The following EYS variants were observed in gnomAD, a reference collection of about 807,000 sequenced individuals.
The protein encoded by EYS is EGF-like photoreceptor maintenance factor.
In EYS, 250 loss-of-function variants were observed where a neutral mutation model predicts 282.1. The observed-to-expected ratio is 0.89, with a 90% CI of 0.80 to 0.98. The LOEUF (loss-of-function observed/expected upper bound fraction) is 0.98, where lower values mean the gene tolerates loss of function less well. EYS is among the 50% of genes least tolerant of loss of function. The pLI is 0.00. For missense variants in EYS, 4,016 were observed against 3,709.0 expected (o/e 1.08, Z -2.15); for synonymous variants, 1,355 against 1,282.9 (o/e 1.06, Z -1.20).
At chr6:63,872,337 T>C (rs1008382316) in intron 35 of EYS, among the ~76,000 whole-genome samples, 3 of 151,938 alleles carry the variant, frequency 2.0e-5, no homozygotes, top group Non-Finnish European at 4.4e-5. Flanking sequence ...TGCACAAGTG[T>C]GTAGGTATGT....
At chr6:64,233,533 A>AT in intron 30 of EYS, among the ~76,000 whole-genome samples, 1 of 152,330 alleles carries the variant, frequency 6.6e-6, no homozygotes, top group Non-Finnish European at 1.5e-5. Context: ...GGACTTAGTA[A>AT]TATAATTAGC....
At chr6:64,720,248 T>A (rs757622845) in intron 22 of EYS, among the ~76,000 whole-genome samples, 2 of 152,166 alleles carry the variant, frequency 1.3e-5, no homozygotes, top group African/African-American at 2.4e-5. Flanking sequence ...CATCCTTCTC[T>A]AACCTCTGCT....
intron 41 of EYS, among the ~76,000 whole-genome samples, chr6:63,729,038 G>A (rs1027148487): frequency 2.6e-5 from 4 of 152,120 alleles, no homozygotes; most frequent in African/African-American, 7.2e-5. Flanking sequence ...AGTATCTAGT[G>A]TTATCCAATT....
intron 11 of EYS, among the ~76,000 whole-genome samples, chr6:65,319,623 A>C (rs1769415102): frequency 6.6e-6 from 1 of 152,278 alleles, no homozygotes; most frequent in East Asian, 1.9e-4. Context: ...CTTCTGTATA[A>C]TCATGGAACA....
chr6:64,283,459 GA>G (rs1420639051), intron 30 of EYS, among the ~76,000 whole-genome samples: 1 of 152,088 alleles, frequency 6.6e-6, no homozygotes, highest in East Asian at 1.9e-4. Flanking sequence ...TCAAAGCTTA[GA>G]ACATGACTGA....
At chr6:63,796,789 T>C (rs1328053006) in intron 37 of EYS, among the ~76,000 whole-genome samples, 2 of 152,210 alleles carry the variant, frequency 1.3e-5, no homozygotes, top group Non-Finnish European at 2.9e-5. Flanking sequence ...TAACACCTCA[T>C]AGGATTGTCT....
intron 12 of EYS, among the ~76,000 whole-genome samples, chr6:65,225,143 T>C (rs1766586118): frequency 6.6e-6 from 1 of 151,736 alleles, no homozygotes; most frequent in Non-Finnish European, 1.5e-5. Flanking sequence ...CAATATATCT[T>C]ATGGATATAG....
intron 36 of EYS, among the ~76,000 whole-genome samples, chr6:63,837,778 T>C (rs970295156): frequency 1.3e-5 from 2 of 152,166 alleles, no homozygotes; most frequent in African/African-American, 4.8e-5. Flanking sequence ...TGTGATGTCT[T>C]TCCTTGTCAA....
intron 26 of EYS, among the ~76,000 whole-genome samples, chr6:64,571,519 A>T (rs1168677921): frequency 6.6e-6 from 1 of 152,160 alleles, no homozygotes; most frequent in African/African-American, 2.4e-5. Context: ...AACAAAATAG[A>T]TATATCACTA....
chr6:63,989,416 G>C (rs539252042), intron 34 of EYS, among the ~76,000 whole-genome samples: 45 of 151,656 alleles, frequency 3.0e-4, no homozygotes, highest in African/African-American at 1.0e-3. Flanking sequence ...TAAGTGAAAA[G>C]GGATAAAAAA....
chr6:64,083,465 GTTC>G (rs1362726865), intron 31 of EYS, among the ~76,000 whole-genome samples: 2 of 152,094 alleles, frequency 1.3e-5, no homozygotes, highest in Non-Finnish European at 2.9e-5. Flanking sequence ...CCTGGTTTCT[GTTC>G]TTCTTTTTAT....
intron 5 of EYS, among the ~76,000 whole-genome samples, chr6:65,488,152 GT>G (rs890573691): frequency 2.0e-5 from 3 of 151,934 alleles, no homozygotes; most frequent in Admixed American, 6.6e-5. Context: ...TTTTTTCAAA[GT>G]TTTTTATGTC....
chr6:64,325,969 T>C (rs1450484408), intron 29 of EYS, among the ~76,000 whole-genome samples: 2 of 152,080 alleles, frequency 1.3e-5, no homozygotes, highest in Non-Finnish European at 2.9e-5. Context: ...ATCTAAAAGT[T>C]TGGAAAACAT....
intron 35 of EYS, among the ~76,000 whole-genome samples, chr6:63,960,977 A>G (rs539599547): frequency 6.6e-6 from 1 of 152,228 alleles, no homozygotes; most frequent in African/African-American, 2.4e-5. Flanking sequence ...AAATTCAACC[A>G]CCTACCTACC....
Position 64,104,387 on chromosome 6 carries a change from T to C in EYS, c.6425-22385A>G, listed in dbSNP as rs146539771. Reference sequence around the variant, plus strand: ...GTGAGTGTGTGTGTGTGTTTGCTTATGTGTGTATGTACATGTGCAATAGCT... The same window carrying C: ...GTGAGTGTGTGTGTGTGTTTGCTTACGTGTGTATGTACATGTGCAATAGCT... On this transcript the variant is annotated intron_variant, in intron 31 of 42. Coordinates refer to ENST00000503581, the MANE Select transcript of EYS (RefSeq NM_001142800.2). Among the ~76,000 whole-genome samples, 763 of 152,160 alleles carry C rather than the reference T, an allele frequency of 5.0e-3. 5 individuals are homozygous for C. Among genetic ancestry groups the C allele is most frequent in the African/African-American group, 0.018 (730 of 41,534 alleles).
At chr6:64,066,150 A>T (rs1771360088) in intron 33 of EYS, among the ~76,000 whole-genome samples, 188 bp downstream of exon 33, 1 of 152,124 alleles carries the variant, frequency 6.6e-6, no homozygotes. Context: ...GGTGGTGCAC[A>T]TCTGTAGTCC....
At chr6:64,335,034 A>T (rs1056785864) in intron 29 of EYS, among the ~76,000 whole-genome samples, 3 of 152,082 alleles carry the variant, frequency 2.0e-5, no homozygotes, top group Non-Finnish European at 2.9e-5. Flanking sequence ...CCACCCGAAT[A>T]ATGGTTCTGC....
chr6:65,425,163 C>G (rs996672378), intron 5 of EYS, among the ~76,000 whole-genome samples: 1 of 151,876 alleles, frequency 6.6e-6, no homozygotes, highest in East Asian at 1.9e-4. Flanking sequence ...ATTCTTTCAA[C>G]AGGGAAGGAA....
rs145438744 is a variant in EYS at position 64,626,561 on chromosome 6, A to G, written c.3444-316T>C. Among the ~76,000 whole-genome samples, 675 of 152,320 alleles carry G rather than the reference A, an allele frequency of 4.4e-3. 16 individuals carry two copies. Among genetic ancestry groups the G allele is most frequent in the Admixed American group, 0.033 (500 of 15,290 alleles). ...GTGACAAGTGTTCTTACAAGCACAGAAGACAGAGACCCACAGGGGAGAAGG... is the reference window on the plus strand; with the variant it reads ...GTGACAAGTGTTCTTACAAGCACAGGAGACAGAGACCCACAGGGGAGAAGG... On this transcript the variant is annotated intron_variant, in intron 22 of 42. Transcript: ENST00000503581.
Sources: gnomAD v4.1 joint callset for allele counts (sites outside exome capture counted in the v4.1 genomes callset) on GRCh38, gnomAD v4.1.1 for gene constraint, MANE v1.5 for transcripts, NCBI Gene and HGNC (gene_info 2026-07-23, HGNC 2026-07-21) for gene names.